PDE1A: variants seen among roughly 807,000 people sequenced by gnomAD.
The protein encoded by PDE1A is phosphodiesterase 1A.
Under a neutral mutation model 61.7 loss-of-function variants are expected in PDE1A, and 35 were observed. The observed-to-expected ratio is 0.57, with a 90% CI of 0.43 to 0.75. The LOEUF (loss-of-function observed/expected upper bound fraction) is 0.75, where lower values mean the gene tolerates loss of function less well. PDE1A is among the 30% of genes least tolerant of loss of function. The pLI is 0.00. For missense variants in PDE1A, 597 were observed against 630.6 expected (o/e 0.95, Z 0.57); for synonymous variants, 232 against 213.2 (o/e 1.09, Z -0.77).
chr2:182,308,600 A>C (rs2125938292), intron 1 of PDE1A, among the ~76,000 whole-genome samples: 1 of 152,164 alleles, frequency 6.6e-6, no homozygotes, highest in South Asian at 2.1e-4. Flanking sequence ...GAAATTAGTA[A>C]ATTGTAATAA....
At chr2:182,538,128 C>A in the PDE1A span, among the ~76,000 whole-genome samples, 1 of 152,162 alleles carries the variant, frequency 6.6e-6, no homozygotes, top group African/African-American at 2.4e-5. Flanking sequence ...CCTCTGCCAG[C>A]ACCTGCCTCC....
chr2:182,483,022 G>A (rs1342209936), intron 2 of PDE1A, among the ~76,000 whole-genome samples: 1 of 151,882 alleles, frequency 6.6e-6, no homozygotes, highest in Non-Finnish European at 1.5e-5. Context: ...AACCATCAGG[G>A]AGCTGATGTG....
intron 2 of PDE1A, among the ~76,000 whole-genome samples, chr2:182,499,088 A>G (rs1294665976): frequency 1.4e-5 from 2 of 142,110 alleles, no homozygotes; most frequent in Non-Finnish European, 3.1e-5. Flanking sequence ...CCTGTGTTCA[A>G]GCAATTCTCC....
the PDE1A span, among the ~76,000 whole-genome samples, chr2:182,686,389 T>A: frequency 2.6e-5 from 4 of 152,232 alleles, no homozygotes. Context: ...TATTTAGATA[T>A]GTATATCTAT....
chr2:182,492,691 T>C (rs1021539039), intron 2 of PDE1A, among the ~76,000 whole-genome samples: 1 of 152,216 alleles, frequency 6.6e-6, no homozygotes, highest in African/African-American at 2.4e-5. Flanking sequence ...AATCAACTTT[T>C]CTGTCATGAG....
At chr2:182,317,323 A>G (rs1696400000) in intron 1 of PDE1A, among the ~76,000 whole-genome samples, 1 of 151,728 alleles carries the variant, frequency 6.6e-6, no homozygotes, top group Non-Finnish European at 1.5e-5. Flanking sequence ...GACATTCTGC[A>G]TAGTATCATT....
intron 1 of PDE1A, among the ~76,000 whole-genome samples, chr2:182,381,392 C>A (rs1262285707): frequency 6.6e-6 from 1 of 152,044 alleles, no homozygotes; most frequent in Non-Finnish European, 1.5e-5. Context: ...AGAATAGTTG[C>A]CAGAGTAGTC....
intron 1 of PDE1A, among the ~76,000 whole-genome samples, chr2:182,351,706 C>T (rs1323402278): frequency 1.3e-5 from 2 of 152,162 alleles, no homozygotes; most frequent in Non-Finnish European, 2.9e-5. Flanking sequence ...GCAATCTGTA[C>T]TCACTTCTGA....
At chr2:182,696,988 T>C in the PDE1A span, among the ~76,000 whole-genome samples, 2 of 152,206 alleles carry the variant, frequency 1.3e-5, no homozygotes, top group African/African-American at 4.8e-5. Context: ...GTTTTTTCTA[T>C]CTTGAGCTTG....
chr2:182,360,807 T>C (rs373262106), intron 1 of PDE1A, among the ~76,000 whole-genome samples: 2 of 152,102 alleles, frequency 1.3e-5, no homozygotes, highest in East Asian at 3.9e-4. Context: ...CTGTACTCAG[T>C]TGATCTGCTG....
chr2:182,177,421 G>A (rs1180321620), intron 13 of PDE1A, among the ~76,000 whole-genome samples: 1 of 151,820 alleles, frequency 6.6e-6, no homozygotes, highest in Non-Finnish European at 1.5e-5. Flanking sequence ...TTGGGAGAGT[G>A]TATGTGTCAA....
chr2:182,692,512 C>T, the PDE1A span, among the ~76,000 whole-genome samples: 12 of 151,432 alleles, frequency 7.9e-5, no homozygotes, highest in Non-Finnish European at 1.3e-4. Context: ...CACACTGGGG[C>T]CTGTTGTGGG....
At chr2:182,466,040 T>TTG (rs72310564) in intron 2 of PDE1A, among the ~76,000 whole-genome samples, 1,953 of 150,324 alleles carry the variant, frequency 0.013, 25 homozygotes, top group South Asian at 0.039. Context: ...GCCTACACTT[T>TTG]TGTGTGTGTG....
intron 2 of PDE1A, among the ~76,000 whole-genome samples, chr2:182,244,941 G>T (rs1399738307): frequency 6.6e-6 from 1 of 152,120 alleles, no homozygotes; most frequent in Non-Finnish European, 1.5e-5. Flanking sequence ...GTTTCTCAAA[G>T]ATTTTTCTCT....
At chr2:182,441,149 T>TA (rs1320314834) in intron 2 of PDE1A, among the ~76,000 whole-genome samples, 1 of 152,006 alleles carries the variant, frequency 6.6e-6, no homozygotes, top group Non-Finnish European at 1.5e-5. Flanking sequence ...CTCCCATTTA[T>TA]AAAACCATCA....
intron 2 of PDE1A, among the ~76,000 whole-genome samples, chr2:182,497,117 TG>T (rs1479049152): frequency 1.1e-4 from 17 of 152,222 alleles, no homozygotes; most frequent in Admixed American, 1.0e-3. Context: ...CTTTTAACCA[TG>T]GCCAATTGAA....
At chr2:182,247,512 A>G (rs1256162874) in intron 2 of PDE1A, among the ~76,000 whole-genome samples, 1 of 151,658 alleles carries the variant, frequency 6.6e-6, no homozygotes, top group Non-Finnish European at 1.5e-5. Flanking sequence ...ATTTCTCCCT[A>G]CTCCCCTCCA....
chr2:182,666,208 C>G, the PDE1A span, among the ~76,000 whole-genome samples: 1 of 152,216 alleles, frequency 6.6e-6, no homozygotes, highest in East Asian at 1.9e-4. Flanking sequence ...TAACCCAGAA[C>G]TTAAAATTAA....
intron 7 of PDE1A, among the ~76,000 whole-genome samples, chr2:182,212,378 T>G (rs928894356): frequency 3.9e-5 from 6 of 152,152 alleles, no homozygotes; most frequent in African/African-American, 9.7e-5. Flanking sequence ...AATCTACTCT[T>G]GGCAATCTTT....
Sources: gnomAD v4.1 joint callset for allele counts (sites outside exome capture counted in the v4.1 genomes callset) on GRCh38, gnomAD v4.1.1 for gene constraint, MANE v1.5 for transcripts, NCBI Gene and HGNC (gene_info 2026-07-23, HGNC 2026-07-21) for gene names.